Variants in MYL4 observed in about 807,000 individuals in gnomAD.
MYL4 encodes the protein atrial myosin light chain 1.
In MYL4, 16 loss-of-function variants were observed where a neutral mutation model predicts 21.6. That is an observed-to-expected ratio of 0.74 (90% CI 0.50 to 1.12). MYL4 has a LOEUF of 1.12. Ranked by LOEUF, MYL4 falls within the 50% of genes most tolerant of loss-of-function variation. The probability of loss-of-function intolerance (pLI) is 0.00; values close to 1 mark genes in which losing one functional copy is unlikely to be tolerated. For synonymous variants in MYL4, 82 were observed against 95.7 expected (o/e 0.86, Z 0.83); for missense variants, 249 against 252.9 (o/e 0.98, Z 0.11).
At chr17:47,202,657 T>C (rs915393409) in intron 1 of MYL4, among the ~76,000 whole-genome samples, 1 of 151,924 alleles carries the variant, frequency 6.6e-6, no homozygotes, top group African/African-American at 2.4e-5. Context: ...TCAGTATCAT[T>C]AACACGAAAT....
upstream of MYL4, among the ~76,000 whole-genome samples, chr17:47,208,398 C>T (rs1370003295): frequency 6.6e-6 from 1 of 152,160 alleles, no homozygotes; most frequent in African/African-American, 2.4e-5. Flanking sequence ...TGCACCACTG[C>T]ACTGCAACCT....
downstream of MYL4, among the ~76,000 whole-genome samples, chr17:47,226,768 T>C (rs2064887235): frequency 6.6e-6 from 1 of 152,230 alleles, no homozygotes; most frequent in Non-Finnish European, 1.5e-5. Flanking sequence ...TGTCTCAGTG[T>C]GTGACCTCTA....
upstream of MYL4, among the ~76,000 whole-genome samples, chr17:47,207,735 T>C (rs1446561945): frequency 6.6e-6 from 1 of 152,250 alleles, no homozygotes; most frequent in Non-Finnish European, 1.5e-5. Context: ...TTTTTGTTGT[T>C]ATTTTTCTGA....
Position 47,221,737 on chromosome 17 carries a change from T to C in MYL4, c.369T>C (p.Ile123=). The C allele has an allele frequency of 6.2e-7, 1 of 1,614,114 alleles. No individual in the cohort carries two copies. The highest frequency in any genetic ancestry group is 1.3e-5 in the African/African-American group (1 of 75,062). Residue 123 remains isoleucine, a synonymous_variant, in exon 4 of 7, where the codon ATT becomes ATC. Transcript: ENST00000393450. ...FETFLPILQH[I]SRNKEQGTYE... ...CGTTCTTGCCCATCCTGCAGCACATTTCCCGCAACAAGGAGCAGGGCACCT... is the reference window on the plus strand; with the variant it reads ...CGTTCTTGCCCATCCTGCAGCACATCTCCCGCAACAAGGAGCAGGGCACCT...
At chr17:47,226,155 C>A (rs1390564356), downstream of MYL4, among the ~76,000 whole-genome samples, 1 of 152,152 alleles carries the variant, frequency 6.6e-6, no homozygotes, top group Non-Finnish European at 1.5e-5. Context: ...AGCTTACTGT[C>A]CACTTAAGCA....
the MYL4 span, among the ~76,000 whole-genome samples, chr17:47,190,287 T>C: frequency 6.6e-6 from 1 of 152,134 alleles, no homozygotes; most frequent in Non-Finnish European, 1.5e-5. Context: ...GTTCGCTTAG[T>C]TTGAAAAAAA....
intron 1 of MYL4, among the ~76,000 whole-genome samples, chr17:47,200,988 A>G (rs532506953): frequency 6.6e-6 from 1 of 152,324 alleles, no homozygotes; most frequent in East Asian, 1.9e-4. Context: ...CCTGGCCAAC[A>G]TGGTGAAACC....
chr17:47,195,695 A>C (rs1017761948), upstream of MYL4, among the ~76,000 whole-genome samples: 1 of 152,122 alleles, frequency 6.6e-6, no homozygotes, highest in African/African-American at 2.4e-5. Context: ...TCCACTCTTC[A>C]TCTTAATTCT....
At chr17:47,203,759 T>C (rs1301911837) in intron 1 of MYL4, among the ~76,000 whole-genome samples, 1 of 152,200 alleles carries the variant, frequency 6.6e-6, no homozygotes, top group Non-Finnish European at 1.5e-5. Flanking sequence ...CAGGTTGTTC[T>C]GTCCAACAAT....
At chr17:47,219,608 A>G (rs774657499) in intron 2 of MYL4, among the ~76,000 whole-genome samples, 10 of 152,078 alleles carry the variant, frequency 6.6e-5, no homozygotes, top group Admixed American at 1.3e-4. Flanking sequence ...TCCCGAGCTC[A>G]AGCGATTCTC....
intron 1 of MYL4, among the ~76,000 whole-genome samples, chr17:47,210,780 G>A (rs566707893): frequency 2.8e-4 from 43 of 152,200 alleles, no homozygotes; most frequent in Non-Finnish European, 5.3e-4. Flanking sequence ...TTCTGAGCTT[G>A]GTTATGGCTC....
At chr17:47,207,287 G>C (rs1291979984), upstream of MYL4, among the ~76,000 whole-genome samples, 1 of 152,180 alleles carries the variant, frequency 6.6e-6, no homozygotes, top group Non-Finnish European at 1.5e-5. Context: ...GAGCAGTGAA[G>C]AGCAGTGTGC....
chr17:47,221,803 G>A lies in MYL4; in HGVS notation c.435G>A (p.Glu145=), dbSNP rs765494388. 2 of 1,614,014 alleles carry A rather than the reference G, an allele frequency of 1.2e-6. No individual in the cohort carries two copies. Among genetic ancestry groups the A allele is most frequent in the African/African-American group, 1.3e-5 (1 of 74,910 alleles). ...FVEGLRVFDK[E]SNGTVMGAEL... ...AGGGCCTGCGTGTCTTTGACAAGGA[G>A]AGCAATGGCACGGTCATGGGTGCTG... The change falls in exon 4 of 7, where the codon GAG becomes GAA. Residue 145 remains glutamate (E), a synonymous_variant. Transcript: ENST00000393450.
At chr17:47,210,515 A>G (rs2064766186) in intron 1 of MYL4, among the ~76,000 whole-genome samples, 1 of 152,096 alleles carries the variant, frequency 6.6e-6, no homozygotes. Context: ...GGGAGTGCTG[A>G]GCCCCCAGGG....
At chr17:47,194,513 A>G in the MYL4 span, among the ~76,000 whole-genome samples, 94 of 152,348 alleles carry the variant, frequency 6.2e-4, no homozygotes, top group African/African-American at 2.2e-3. Flanking sequence ...TCAGTGTGGC[A>G]TATTTTGACT....
At chr17:47,192,637 A>G in the MYL4 span, among the ~76,000 whole-genome samples, 1 of 151,790 alleles carries the variant, frequency 6.6e-6, no homozygotes, top group Admixed American at 6.6e-5. Context: ...GTGACAGTGC[A>G]AGACTGTGTC....
At chr17:47,226,857 T>C (rs990212333), downstream of MYL4, among the ~76,000 whole-genome samples, 1 of 152,146 alleles carries the variant, frequency 6.6e-6, no homozygotes, top group Non-Finnish European at 1.5e-5. Flanking sequence ...TATTTTCTTT[T>C]CTCTCTCTTT....
intron 1 of MYL4, 37 bp from the exon 2 acceptor site, chr17:47,213,762 G>T: frequency 1.9e-6 from 3 of 1,612,996 alleles, no homozygotes; most frequent in Non-Finnish European, 2.5e-6. Context: ...ACTGCTTTTA[G>T]CAATCCAAGC....
At chr17:47,205,035 G>A (rs73316050), upstream of MYL4, among the ~76,000 whole-genome samples, 2,461 of 152,296 alleles carry the variant, frequency 0.016, 54 homozygotes, top group African/African-American at 0.056. Context: ...ACACAGACAG[G>A]CTCTGTGTGG....
Sources: gnomAD v4.1 joint callset for allele counts (sites outside exome capture counted in the v4.1 genomes callset) on GRCh38, gnomAD v4.1.1 for gene constraint, MANE v1.5 for transcripts, NCBI Gene and HGNC (gene_info 2026-07-23, HGNC 2026-07-21) for gene names.